FBXL20: variants seen among roughly 807,000 people sequenced by gnomAD.
The protein encoded by FBXL20 is F-box and leucine rich repeat protein 20.
FBXL20 carries 11 observed loss-of-function variants against 64.0 expected under a neutral mutation model. The ratio of observed to expected loss-of-function variants is 0.17; its 90% CI spans 0.11 to 0.28. FBXL20 has a LOEUF of 0.28. Ranked by LOEUF, FBXL20 falls within the 10% of genes least tolerant of loss-of-function variation. The pLI is 1.00. For missense variants in FBXL20, 303 were observed against 526.2 expected, an observed-to-expected ratio of 0.58 and a Z score of 4.15; for synonymous variants, 184 against 189.0, an observed-to-expected ratio of 0.97 and a Z score of 0.22.
At chr17:39,315,774 GC>G (rs1224027256) in intron 2 of FBXL20, among the ~76,000 whole-genome samples, 3 of 150,032 alleles carry the variant, frequency 2.0e-5, no homozygotes, top group Non-Finnish European at 4.4e-5. Context: ...GGCATGAAGT[GC>G]CCAAACCCAA....
intron 1 of FBXL20, among the ~76,000 whole-genome samples, chr17:39,388,358 G>C (rs978180984): frequency 6.6e-6 from 1 of 151,876 alleles, no homozygotes; most frequent in Admixed American, 6.6e-5. Context: ...ACTCGGGAAG[G>C]TGAGGCACAA....
intron 13 of FBXL20, among the ~76,000 whole-genome samples, 186 bp from the exon 14 acceptor site, chr17:39,264,573 T>C (rs1336652673): frequency 6.6e-6 from 1 of 152,372 alleles, no homozygotes; most frequent in Middle Eastern, 3.4e-3. Flanking sequence ...CAATCAGTGA[T>C]TGATATTTTG....
chr17:39,401,320 A>G (rs748474864), intron 1 of FBXL20, 41 bp downstream of exon 1: 1 of 1,611,642 alleles, frequency 6.2e-7, no homozygotes, highest in Non-Finnish European at 8.5e-7. Context: ...AGAGCGCGCG[A>G]CCCGCCCTCC....
At position 39,260,171 on chromosome 17, in the gene FBXL20, C is replaced by G. The variant is rs567432260; in HGVS notation, c.*1289G>C. 1.3e-5 allele frequency: 2 copies of G among 152,168 alleles called. No homozygotes were observed. Among genetic ancestry groups the G allele is most frequent in the South Asian group, 4.2e-4 (2 of 4,818 alleles). The allele number at this position is 152,168 out of a possible 1,614,324, so 9.4% of individuals were successfully genotyped here. On this transcript the variant is annotated 3_prime_UTR_variant, in exon 15 of 15. Transcript: ENST00000264658. ...GCTGAAATGGGGGAAAAGAGAGAAA[C>G]AGACTGGCTAGAATACACAGCTCCT...
At chr17:39,313,378 C>T (rs551073280) in intron 2 of FBXL20, among the ~76,000 whole-genome samples, 67 of 151,766 alleles carry the variant, frequency 4.4e-4, no homozygotes, top group Non-Finnish European at 7.1e-4. Flanking sequence ...GAATTACAGG[C>T]GCCTGCCACC....
intron 1 of FBXL20, among the ~76,000 whole-genome samples, chr17:39,395,795 G>T (rs1021357404): frequency 6.6e-6 from 1 of 152,124 alleles, no homozygotes; most frequent in South Asian, 2.1e-4. Flanking sequence ...CAGTCACTTT[G>T]TCATTGTGAA....
In FBXL20 at chr17:39,353,138, A is replaced by T. The variant is rs151180023; in HGVS notation, c.43-9897T>A. ...ATGATTGCAGGGATACCATGCCAATAAAAACTGTCTACATCTGGACTTTAT... is the reference window on the plus strand; with the variant it reads ...ATGATTGCAGGGATACCATGCCAATTAAAACTGTCTACATCTGGACTTTAT... On this transcript the variant is annotated intron_variant, in intron 1 of 14. Transcript: ENST00000264658. Among the ~76,000 whole-genome samples, 654 of 152,260 alleles carry T rather than the reference A, an allele frequency of 4.3e-3. 4 individuals are homozygous for T. Among genetic ancestry groups the T allele is most frequent in the Non-Finnish European group, 7.2e-3 (492 of 67,990 alleles).
At chr17:39,392,687 T>C (rs2048145971) in intron 1 of FBXL20, among the ~76,000 whole-genome samples, 1 of 152,074 alleles carries the variant, frequency 6.6e-6, no homozygotes, top group South Asian at 2.1e-4. Flanking sequence ...CCAGAATAGC[T>C]ATACGTATGG....
At chr17:39,314,979 T>C (rs2047271776) in intron 2 of FBXL20, among the ~76,000 whole-genome samples, 1 of 151,972 alleles carries the variant, frequency 6.6e-6, no homozygotes, top group Non-Finnish European at 1.5e-5. Flanking sequence ...TGTATTTTAG[T>C]AGAGACGGGG....
At chr17:39,324,610 G>A (rs1426444896) in intron 2 of FBXL20, among the ~76,000 whole-genome samples, 3 of 152,146 alleles carry the variant, frequency 2.0e-5, no homozygotes, top group Non-Finnish European at 4.4e-5. Context: ...ATATTAAAGA[G>A]GGATCACCTA....
In FBXL20 at chr17:39,385,846, A is replaced by G. The variant is rs559612631; in HGVS notation, c.42+15515T>C. 6.8e-4 allele frequency among the ~76,000 whole-genome samples: 103 copies of G among 151,620 alleles called. 1 individual carries two copies. Among genetic ancestry groups the G allele is most frequent in the African/African-American group, 2.3e-3 (93 of 41,292 alleles). ...AGAGATCGAGACCATCCTGGCAAAC[A>G]TGATGAAATCCTGTCTCTACTAAAA... On this transcript the variant is annotated intron_variant, in intron 1 of 14. Transcript: ENST00000264658.
At position 39,258,589 on chromosome 17, in the gene FBXL20, C is replaced by T. The variant is rs3744349; in HGVS notation, c.*2871G>A. On this transcript the variant is annotated 3_prime_UTR_variant, in exon 15 of 15. Coordinates refer to ENST00000264658, the MANE Select transcript of FBXL20 (RefSeq NM_032875.3). ...CCTGCCTGTGGGTATATCCTTTGAG[C>T]AGAGAAACAGCATTTCCAAGATCAT... The T allele has an allele frequency of 0.77, 117,718 of 152,212 alleles. 46,255 individuals are homozygous for T. The highest frequency in any genetic ancestry group is 0.92 in the South Asian group (4,437 of 4,828). The allele number at this position is 152,212 out of a possible 1,614,324, so 9.4% of individuals were successfully genotyped here.
Position 39,363,212 on chromosome 17 carries a change from C to T in FBXL20, c.43-19971G>A, listed in dbSNP as rs542785036. ...TATTTTTAGTAGAGACAGGGTTTCT[C>T]CATGTTGGTCAGGCTGGTCTTGAAC... On this transcript the variant is annotated intron_variant, in intron 1 of 14. Coordinates refer to ENST00000264658, the MANE Select transcript of FBXL20 (RefSeq NM_032875.3). 2.0e-5 allele frequency among the ~76,000 whole-genome samples: 3 copies of T among 151,970 alleles called. No homozygotes were observed. The East Asian group carries it at 5.8e-4, about 30-fold the overall frequency.
intron 1 of FBXL20, among the ~76,000 whole-genome samples, chr17:39,345,339 C>T (rs1190958631): frequency 6.6e-6 from 1 of 151,942 alleles, no homozygotes; most frequent in African/African-American, 2.4e-5. Context: ...TAATTCTACC[C>T]GGAGTTGTAT....
At chr17:39,361,539 T>G (rs997007748) in intron 1 of FBXL20, among the ~76,000 whole-genome samples, 1 of 152,190 alleles carries the variant, frequency 6.6e-6, no homozygotes, top group Non-Finnish European at 1.5e-5. Context: ...GGCTTATGCC[T>G]GTAATCCCAG....
Position 39,397,502 on chromosome 17 carries a change from T to C in FBXL20, c.42+3859A>G, listed in dbSNP as rs1410037789. Among the ~76,000 whole-genome samples, 3 of 152,182 alleles carry C rather than the reference T, an allele frequency of 2.0e-5. No homozygotes were observed. In the East Asian group the frequency reaches 5.8e-4, roughly 29 times the overall value. On this transcript the variant is annotated intron_variant, in intron 1 of 14. Coordinates refer to ENST00000264658, the MANE Select transcript of FBXL20 (RefSeq NM_032875.3). Reference sequence around the variant, plus strand: ...AATAAACCCATTAAGACAGAATTTTTCTCCAACAGTACTACATCCTCATAA... The same window carrying C: ...AATAAACCCATTAAGACAGAATTTTCCTCCAACAGTACTACATCCTCATAA...
chr17:39,365,043 T>C (rs1053356141), intron 1 of FBXL20, among the ~76,000 whole-genome samples: 3 of 152,110 alleles, frequency 2.0e-5, no homozygotes, highest in African/African-American at 4.8e-5. Context: ...AAAAAGAAAT[T>C]TCATAGATTA....
chr17:39,268,353 C>A (rs2046810728), intron 12 of FBXL20, among the ~76,000 whole-genome samples: 1 of 151,874 alleles, frequency 6.6e-6, no homozygotes, highest in Middle Eastern at 3.4e-3. Flanking sequence ...AATTCCATCT[C>A]AAAAAAATAA....
intron 1 of FBXL20, among the ~76,000 whole-genome samples, chr17:39,343,890 G>A (rs1187513675): frequency 1.3e-5 from 2 of 151,848 alleles, no homozygotes; most frequent in Non-Finnish European, 2.9e-5. Context: ...TTGAGACAGA[G>A]TCTCACTCTG....
Sources: allele counts gnomAD v4.1 joint callset (sites outside exome capture counted in the v4.1 genomes callset), GRCh38; gene constraint gnomAD v4.1.1; transcripts MANE v1.5; gene names NCBI Gene and HGNC (gene_info 2026-07-23, HGNC 2026-07-21).